The following FNDC7 variants were observed in gnomAD, a reference collection of about 807,000 sequenced individuals.
FNDC7 encodes fibronectin type III domain-containing protein 7.
FNDC7 carries 66 observed loss-of-function variants against 74.2 expected under a neutral mutation model. The observed-to-expected ratio is 0.89, with a 90% CI of 0.73 to 1.09. The LOEUF (loss-of-function observed/expected upper bound fraction) is 1.09. Among genes scored for constraint, FNDC7 ranks in the 50% least tolerant of loss-of-function variants. The pLI is 0.00. For synonymous variants in FNDC7, 307 were observed against 330.2 expected, an observed-to-expected ratio of 0.93 and a Z score of 0.76; for missense variants, 829 against 893.4, an observed-to-expected ratio of 0.93 and a Z score of 0.92.
At chr1:108,726,630 T>A (rs1048989264) in intron 6 of FNDC7, among the ~76,000 whole-genome samples, 8 of 151,722 alleles carry the variant, frequency 5.3e-5, no homozygotes, top group Non-Finnish European at 1.2e-4. Flanking sequence ...CTACTAGGCT[T>A]GCATCTTGTA....
rs1215419813 is a variant in FNDC7 at position 108,726,138 on chromosome 1, T to C, written c.1111+134T>C. The C allele has an allele frequency of 4.3e-6, 5 of 1,157,722 alleles. No individual in the cohort carries two copies. In the Admixed American group the frequency reaches 1.1e-4, roughly 26 times the overall value. The allele number at this position is 1,157,722 out of a possible 1,614,324, so 71.7% of individuals were successfully genotyped here. A position where few individuals can be genotyped will look rare whatever the true frequency, so the allele number is the denominator to read the frequency against. On this transcript the variant is annotated intron_variant, in intron 6 of 12. Coordinates refer to ENST00000370017, the MANE Select transcript of FNDC7 (RefSeq NM_001144937.3). Reference sequence around the variant, plus strand: ...GCCAAGAACAGAAAGTAATCTCTTATCTCACATTCTTTCCAGACTAGGGAA... The same window carrying C: ...GCCAAGAACAGAAAGTAATCTCTTACCTCACATTCTTTCCAGACTAGGGAA...
intron 10 of FNDC7, among the ~76,000 whole-genome samples, chr1:108,736,262 T>C (rs1661511941): frequency 2.0e-5 from 3 of 152,164 alleles, no homozygotes; most frequent in African/African-American, 4.8e-5. Context: ...TGCTCTTCTC[T>C]TTGCCCGGAA....
rs1405249195 is a variant in FNDC7, at chr1:108,733,252, T to C, written c.1880-20T>C. 3 of 1,595,650 alleles carry C rather than the reference T, an allele frequency of 1.9e-6. No individual in the cohort carries two copies. Among genetic ancestry groups the C allele is most frequent in the African/African-American group, 1.3e-5 (1 of 74,364 alleles). On this transcript the variant is annotated intron_variant, in intron 9 of 12. Coordinates refer to ENST00000370017, the MANE Select transcript of FNDC7 (RefSeq NM_001144937.3). ...TGGAATAAAACAAGTGATTTTGTGT[T>C]TGTTATTTTTATTGCCTAGGTGCCT...
At chr1:108,719,216 G>A (rs764044135) in intron 4 of FNDC7, among the ~76,000 whole-genome samples, 167 bp downstream of exon 4, 8 of 152,046 alleles carry the variant, frequency 5.3e-5, no homozygotes, top group Non-Finnish European at 7.4e-5. Flanking sequence ...ATTCCTCCTC[G>A]GTAGTTTAAA....
chr1:108,726,208 G>A (rs192186684), intron 6 of FNDC7, among the ~76,000 whole-genome samples: 1 of 152,328 alleles, frequency 6.6e-6, no homozygotes, highest in East Asian at 1.9e-4. Flanking sequence ...CAAGGTTTGG[G>A]AGTGAAAAGA....
At chr1:108,718,287 T>A (rs988952242) in intron 3 of FNDC7, among the ~76,000 whole-genome samples, 2 of 152,196 alleles carry the variant, frequency 1.3e-5, no homozygotes, top group African/African-American at 4.8e-5. Flanking sequence ...AGCTTTTAAA[T>A]CTCTGAAATA....
chr1:108,726,892 G>A (rs988222016), intron 6 of FNDC7, among the ~76,000 whole-genome samples: 7 of 152,182 alleles, frequency 4.6e-5, no homozygotes, highest in African/African-American at 9.6e-5. Flanking sequence ...ATAAGGTCCC[G>A]ACACGAGAGG....
chr1:108,738,412 G>C (rs1661564920), intron 11 of FNDC7, among the ~76,000 whole-genome samples: 1 of 152,152 alleles, frequency 6.6e-6, no homozygotes, highest in Admixed American at 6.5e-5. Context: ...GACCCAGTAA[G>C]CAGTGTATGC....
rs1661276405 is a variant in FNDC7, at chr1:108,728,828, T to A, written c.1566T>A (p.Ala522=). 6.2e-7 allele frequency: 1 copy of A among 1,614,114 alleles called. No individual in the cohort carries two copies. ...GTGGCTCAGTGTTCTCTGTCACTGC[T>A]GTGGCCGAAACACAGGCAGGACGGA... ...LPCGSVFSVT[A]VAETQAGRSL... is the part of the protein sequence containing the mutation. The change falls in exon 8 of 13, where the codon GCT becomes GCA. Residue 522 remains alanine (A), a synonymous_variant. Transcript: ENST00000370017.
intron 2 of FNDC7, among the ~76,000 whole-genome samples, chr1:108,715,753 G>T (rs912522746): frequency 6.6e-6 from 1 of 152,070 alleles, no homozygotes; most frequent in African/African-American, 2.4e-5. Flanking sequence ...TAAAATGCAG[G>T]TATTTTAAAT....
intron 4 of FNDC7, among the ~76,000 whole-genome samples, chr1:108,719,553 C>T (rs1334531459): frequency 6.6e-6 from 1 of 152,210 alleles, no homozygotes; most frequent in African/African-American, 2.4e-5. Context: ...TGTTTCAGAT[C>T]TGTTTCCCAA....
At chr1:108,724,554 G>T (rs1646622005) in intron 5 of FNDC7, among the ~76,000 whole-genome samples, 1 of 151,890 alleles carries the variant, frequency 6.6e-6, no homozygotes, top group African/African-American at 2.4e-5. Flanking sequence ...AGGAGTTCAA[G>T]ACTAGCCTGG....
intron 10 of FNDC7, among the ~76,000 whole-genome samples, chr1:108,735,917 T>G (rs1661502543): frequency 6.6e-6 from 1 of 152,024 alleles, no homozygotes; most frequent in Non-Finnish European, 1.5e-5. Flanking sequence ...GCAATCCTCC[T>G]GCCTCAGCCT....
chr1:108,732,046 G>A (rs1056853736), intron 9 of FNDC7, among the ~76,000 whole-genome samples: 1 of 152,130 alleles, frequency 6.6e-6, no homozygotes, highest in African/African-American at 2.4e-5. Context: ...CTTGCTCAAG[G>A]TATTTAGAAA....
intron 2 of FNDC7, among the ~76,000 whole-genome samples, chr1:108,716,372 TGTG>T (rs1660977225): frequency 1.6e-5 from 2 of 125,622 alleles, no homozygotes; most frequent in African/African-American, 5.9e-5. Flanking sequence ...TGTGTGTGTG[TGTG>T]TTGGAAGAGG....
chr1:108,731,210 C>T (rs1171200939), intron 9 of FNDC7, among the ~76,000 whole-genome samples: 1 of 152,202 alleles, frequency 6.6e-6, no homozygotes, highest in Admixed American at 6.5e-5. Context: ...ACTTGCAACA[C>T]AGAGTAACGT....
At chr1:108,720,609 A>C (rs1661073301) in intron 4 of FNDC7, among the ~76,000 whole-genome samples, 1 of 152,186 alleles carries the variant, frequency 6.6e-6, no homozygotes, top group Admixed American at 6.5e-5. Context: ...ATGGTTCTGG[A>C]GGCTACGAAG....
chr1:108,732,391 G>A (rs890856760), intron 9 of FNDC7, among the ~76,000 whole-genome samples: 2 of 151,720 alleles, frequency 1.3e-5, no homozygotes, highest in Non-Finnish European at 2.9e-5. Context: ...ATGAAGCGTG[G>A]ACCAGCAAAC....
At chr1:108,738,966 T>G (rs1272571352) in intron 11 of FNDC7, among the ~76,000 whole-genome samples, 1 of 152,160 alleles carries the variant, frequency 6.6e-6, no homozygotes, top group African/African-American at 2.4e-5. Context: ...GAAAGGTACA[T>G]GGACCTAGGT....
Sources: gnomAD v4.1 joint callset for allele counts (sites outside exome capture counted in the v4.1 genomes callset) on GRCh38, gnomAD v4.1.1 for gene constraint, MANE v1.5 for transcripts, NCBI Gene and HGNC (gene_info 2026-07-23, HGNC 2026-07-21) for gene names.